MYO18B: variants seen among roughly 807,000 people sequenced by gnomAD.
MYO18B encodes the protein unconventional myosin-XVIIIb.
MYO18B carries 204 observed loss-of-function variants against 273.0 expected under a neutral mutation model. The observed-to-expected ratio is 0.75, with a 90% CI of 0.67 to 0.84. The LOEUF (loss-of-function observed/expected upper bound fraction) is 0.84. MYO18B is among the 40% of genes least tolerant of loss of function. The pLI, the probability that MYO18B is intolerant of heterozygous loss-of-function variation, is 0.00. For missense variants in MYO18B, 3,212 were observed against 3,287.6 expected, an observed-to-expected ratio of 0.98 and a Z score of 0.56; for synonymous variants, 1,330 against 1,305.7, an observed-to-expected ratio of 1.02 and a Z score of -0.40.
chr22:25,827,753 G>A (rs2089548957), intron 14 of MYO18B, among the ~76,000 whole-genome samples: 1 of 152,130 alleles, frequency 6.6e-6, no homozygotes, highest in Admixed American at 6.5e-5. Context: ...AGGGAGTACT[G>A]GGAATGGGAA....
chr22:25,876,118 GCCT>G, intron 23 of MYO18B, 68 bp from the exon 24 acceptor site: 1 of 1,503,234 alleles, frequency 6.7e-7, no homozygotes, highest in Non-Finnish European at 9.0e-7. Flanking sequence ...GCTACCCTCT[GCCT>G]CCTCTCCTTC....
intron 1 of MYO18B, 91 bp from the exon 2 acceptor site, chr22:25,760,893 G>C (rs1365329946): frequency 6.4e-6 from 4 of 626,236 alleles, no homozygotes; most frequent in Non-Finnish European, 1.1e-5. Flanking sequence ...ATGTGGTCTT[G>C]GTTTATGGCG....
At chr22:25,936,685 A>G (rs539443322) in intron 34 of MYO18B, among the ~76,000 whole-genome samples, 1 of 152,340 alleles carries the variant, frequency 6.6e-6, no homozygotes, top group African/African-American at 2.4e-5. Context: ...ACATTTATTT[A>G]TTATAGTTCT....
intron 31 of MYO18B, among the ~76,000 whole-genome samples, chr22:25,904,320 C>G (rs2091996357): frequency 1.3e-5 from 2 of 152,192 alleles, no homozygotes; most frequent in Admixed American, 1.3e-4. Context: ...ATCTAACATT[C>G]ATTGAGTACT....
chr22:25,952,550 A>G (rs1364847001), intron 38 of MYO18B, 127 bp downstream of exon 38: 1 of 1,257,302 alleles, frequency 8.0e-7, no homozygotes, highest in African/African-American at 1.5e-5. Flanking sequence ...TTACTCATCC[A>G]CTTCTCACCC....
intron 17 of MYO18B, among the ~76,000 whole-genome samples, chr22:25,840,800 C>T (rs188774244): frequency 4.8e-4 from 73 of 152,154 alleles, no homozygotes; most frequent in Middle Eastern, 3.4e-3. Context: ...ATTTGTGGCC[C>T]CTCCCCTTTT....
At chr22:26,017,962 GTTTTGTT>G (rs552911188) in intron 42 of MYO18B, among the ~76,000 whole-genome samples, 7,324 of 117,164 alleles carry the variant, frequency 0.063, 398 homozygotes, top group African/African-American at 0.15. Flanking sequence ...CAATTTTACT[GTTTTGTT>G]TTTTTTTTTT....
intron 12 of MYO18B, among the ~76,000 whole-genome samples, chr22:25,813,496 A>G (rs1388193024): frequency 6.6e-6 from 1 of 152,154 alleles, no homozygotes; most frequent in Non-Finnish European, 1.5e-5. Flanking sequence ...GGCAGGAGAC[A>G]ACCAAAGTTG....
intron 39 of MYO18B, among the ~76,000 whole-genome samples, chr22:25,961,264 T>G (rs1431690534): frequency 6.6e-6 from 1 of 151,726 alleles, no homozygotes; most frequent in African/African-American, 2.4e-5. Flanking sequence ...AAAAAGATCT[T>G]CCATGGGTCA....
At chr22:25,906,044 A>C (rs1009910969) in intron 31 of MYO18B, among the ~76,000 whole-genome samples, 2 of 152,190 alleles carry the variant, frequency 1.3e-5, no homozygotes, top group Non-Finnish European at 2.9e-5. Context: ...AGGGACCCAA[A>C]ACTTAATGCA....
chr22:25,852,962 A>G (rs1312751605), intron 21 of MYO18B, among the ~76,000 whole-genome samples: 1 of 152,224 alleles, frequency 6.6e-6, no homozygotes, highest in Non-Finnish European at 1.5e-5. Flanking sequence ...ATTAAACAAG[A>G]GGATGTGATG....
At chr22:25,955,145 C>G in intron 38 of MYO18B, 34 bp from the exon 39 acceptor site, 2 of 1,542,710 alleles carry the variant, frequency 1.3e-6, no homozygotes, top group African/African-American at 2.7e-5. Context: ...TGGCCTCCAA[C>G]TCCAAGGTGG....
At chr22:25,923,510 G>A (rs892855727) in intron 34 of MYO18B, among the ~76,000 whole-genome samples, 1 of 152,256 alleles carries the variant, frequency 6.6e-6, no homozygotes, top group Non-Finnish European at 1.5e-5. Context: ...GAGGTGGCAA[G>A]TGGTGTGTCC....
chr22:25,855,687 A>G (rs971706203), intron 21 of MYO18B, among the ~76,000 whole-genome samples: 3 of 152,140 alleles, frequency 2.0e-5, no homozygotes, highest in African/African-American at 7.2e-5. Context: ...TGTCTTTACT[A>G]TTGCAAATGG....
At chr22:25,822,790 GGTC>G (rs1271533850) in intron 12 of MYO18B, among the ~76,000 whole-genome samples, 4 of 152,242 alleles carry the variant, frequency 2.6e-5, no homozygotes, top group African/African-American at 7.2e-5. Context: ...CGCATGAAGA[GGTC>G]GTGATAAATC....
intron 39 of MYO18B, among the ~76,000 whole-genome samples, chr22:25,969,565 G>A (rs1273473880): frequency 3.3e-5 from 5 of 152,078 alleles, no homozygotes; most frequent in African/African-American, 4.8e-5. Context: ...AGACCATTTG[G>A]CCTACAAAGT....
At chr22:25,878,082 G>A (rs1308541654) in intron 25 of MYO18B, 34 bp downstream of exon 25, 5 of 1,504,248 alleles carry the variant, frequency 3.3e-6, no homozygotes, top group African/African-American at 1.4e-5. Flanking sequence ...TCCTTGTGGG[G>A]GGTCTTTATG....
At chr22:25,842,672 CAAAAAAAAAAA>C (rs695584) in intron 17 of MYO18B, among the ~76,000 whole-genome samples, 3 of 64,584 alleles carry the variant, frequency 4.6e-5, no homozygotes. Context: ...AACTCCGTCT[CAAAAAAAAAAA>C]AAAAAAAAAA....
At chr22:25,911,458 T>C (rs1021984268) in intron 33 of MYO18B, among the ~76,000 whole-genome samples, 1 of 152,252 alleles carries the variant, frequency 6.6e-6, no homozygotes, top group African/African-American at 2.4e-5. Flanking sequence ...GGACCACTTC[T>C]GTCTGCACGG....
Sources: gnomAD v4.1 joint callset for allele counts (sites outside exome capture counted in the v4.1 genomes callset) on GRCh38, gnomAD v4.1.1 for gene constraint, MANE v1.5 for transcripts, NCBI Gene and HGNC (gene_info 2026-07-23, HGNC 2026-07-21) for gene names.